The following ARHGAP35 variants were observed in gnomAD, a reference collection of about 807,000 sequenced individuals.
The protein encoded by ARHGAP35 is Rho GTPase activating protein 35.
In ARHGAP35, 15 loss-of-function variants were observed where a neutral mutation model predicts 111.1. The observed-to-expected ratio is 0.13, with a 90% CI of 0.09 to 0.21. The LOEUF (loss-of-function observed/expected upper bound fraction) is 0.21. Among genes scored for constraint, ARHGAP35 ranks in the 10% least tolerant of loss-of-function variants. The probability of loss-of-function intolerance (pLI) is 1.00; values close to 1 mark genes in which losing one functional copy is unlikely to be tolerated. For synonymous variants in ARHGAP35, 643 were observed against 710.3 expected, an observed-to-expected ratio of 0.91 and a Z score of 1.51; for missense variants, 1,262 against 1,873.0, an observed-to-expected ratio of 0.67 and a Z score of 6.02.
chr19:46,912,893 A>C (rs993589666), intron 1 of ARHGAP35, among the ~76,000 whole-genome samples: 1 of 151,892 alleles, frequency 6.6e-6, no homozygotes, highest in South Asian at 2.1e-4. Flanking sequence ...TTAGAAATGT[A>C]AGATATTGAG....
At chr19:46,925,772 A>T (rs920503572) in intron 2 of ARHGAP35, among the ~76,000 whole-genome samples, 1 of 152,166 alleles carries the variant, frequency 6.6e-6, no homozygotes, top group Admixed American at 6.5e-5. Flanking sequence ...CATGTGAGTC[A>T]CTTCTCCACA....
intron 1 of ARHGAP35, among the ~76,000 whole-genome samples, chr19:46,911,559 A>G (rs1287838551): frequency 3.3e-5 from 5 of 152,246 alleles, no homozygotes; most frequent in Non-Finnish European, 7.3e-5. Flanking sequence ...AACTAGATCT[A>G]TCAAATGGGG....
chr19:46,964,229 A>G (rs1191699440), intron 3 of ARHGAP35, among the ~76,000 whole-genome samples: 2 of 151,474 alleles, frequency 1.3e-5, no homozygotes, highest in Non-Finnish European at 1.5e-5. Context: ...TAAATTTGTA[A>G]TTTATTTTGT....
intron 3 of ARHGAP35, among the ~76,000 whole-genome samples, chr19:46,962,072 G>A (rs544011218): frequency 6.6e-6 from 1 of 152,318 alleles, no homozygotes; most frequent in African/African-American, 2.4e-5. Flanking sequence ...AAGGCTTCTG[G>A]AATGCTGGGA....
In ARHGAP35 at chr19:46,994,026, G is replaced by A. The variant is rs1471953494; in HGVS notation, c.4036+4351G>A. On this transcript the variant is annotated intron_variant, in intron 5 of 6. Coordinates refer to ENST00000672722, the MANE Select transcript of ARHGAP35 (RefSeq NM_004491.5). This position sits in a 1 kb window ranked among gnomAD's most constrained non-coding sequence, Gnocchi z 5.4. ...GAGGATCGGGCCCTCCACAGTCTGGGTCCTGAGGGGACTCTGAAGGGGGTG... is the reference window on the plus strand; with the variant it reads ...GAGGATCGGGCCCTCCACAGTCTGGATCCTGAGGGGACTCTGAAGGGGGTG... Among the ~76,000 whole-genome samples the A allele has an allele frequency of 6.6e-6, 1 of 152,218 alleles. No individual in the cohort carries two copies. Among genetic ancestry groups the A allele is most frequent in the Non-Finnish European group, 1.5e-5 (1 of 68,046 alleles).
intron 5 of ARHGAP35, among the ~76,000 whole-genome samples, chr19:46,995,598 CTTGGCCTCTGGAGTGGG>C (rs2122354662): frequency 6.6e-6 from 1 of 152,354 alleles, no homozygotes; most frequent in African/African-American, 2.4e-5. Context: ...GTGGCCTTCT[CTTGGCCTCTGGAGTGGG>C]TTTCTCAGCC....
At chr19:46,952,698 G>A (rs1438970043) in intron 3 of ARHGAP35, among the ~76,000 whole-genome samples, 2 of 152,326 alleles carry the variant, frequency 1.3e-5, no homozygotes, top group East Asian at 3.9e-4. Context: ...GTTTGAGACA[G>A]GGTCTCCCTC....
intron 1 of ARHGAP35, among the ~76,000 whole-genome samples, chr19:46,900,226 T>G (rs1185534151): frequency 6.7e-6 from 1 of 148,722 alleles, no homozygotes; most frequent in South Asian, 2.1e-4. Flanking sequence ...TTTTGGGTTT[T>G]TTTTTTTTTT....
intron 1 of ARHGAP35, among the ~76,000 whole-genome samples, chr19:46,884,298 A>G (rs1054974111): frequency 2.0e-5 from 3 of 151,940 alleles, no homozygotes; most frequent in Non-Finnish European, 2.9e-5. Context: ...GGCAACAAAA[A>G]CAACAACAAC....
intron 1 of ARHGAP35, among the ~76,000 whole-genome samples, chr19:46,880,002 C>G (rs1000139346): frequency 1.3e-5 from 2 of 151,552 alleles, no homozygotes; most frequent in African/African-American, 4.9e-5. Context: ...ATGAGAATTG[C>G]TTGAAACCTG....
At chr19:46,876,596 C>T (rs1371043646) in intron 1 of ARHGAP35, among the ~76,000 whole-genome samples, 1 of 152,034 alleles carries the variant, frequency 6.6e-6, no homozygotes, top group Non-Finnish European at 1.5e-5. Flanking sequence ...TGGTCTCGAA[C>T]TCCTGACCTC....
At chr19:46,872,824 T>A (rs1389141001) in intron 1 of ARHGAP35, among the ~76,000 whole-genome samples, 1 of 148,624 alleles carries the variant, frequency 6.7e-6, no homozygotes, top group East Asian at 2.0e-4. Context: ...GAGCTTGCAG[T>A]GAGCCGAGAT....
chr19:46,890,337 T>C (rs998029611), intron 1 of ARHGAP35, among the ~76,000 whole-genome samples: 4 of 152,230 alleles, frequency 2.6e-5, no homozygotes, highest in African/African-American at 9.6e-5. Context: ...AAAATGTCTT[T>C]CTATTTGAAA....
Position 46,920,385 on chromosome 19 carries a change from T to G in ARHGAP35, c.1710T>G (p.Ile570Met), listed in dbSNP as rs769153230. ...GCCCAGCTTGTGTGGACGCTAAGAT[T>G]GAGCACTTGATTAGTTCTCGGTTTA... ...PSCPACVDAK[I>M]EHLISSRFIR... The change falls in exon 2 of 7, where the codon ATT becomes ATG. Residue 570 changes from isoleucine (I) to methionine (M), a missense_variant. Physicochemically the swap from Ile to Met is conservative, Grantham distance 10. Coordinates refer to ENST00000672722, the MANE Select transcript of ARHGAP35 (RefSeq NM_004491.5). The surrounding 1 kb of genome is among the most constrained non-coding windows in gnomAD (Gnocchi z 7.0). 1.2e-6 allele frequency: 2 copies of G among 1,614,022 alleles called. No homozygotes were observed. The highest frequency in any genetic ancestry group is 1.7e-6 in the Non-Finnish European group (2 of 1,179,892).
intron 1 of ARHGAP35, among the ~76,000 whole-genome samples, chr19:46,899,888 T>G (rs1182771187): frequency 6.6e-6 from 1 of 152,174 alleles, no homozygotes; most frequent in East Asian, 1.9e-4. Context: ...GAATTGTTTC[T>G]GTCTTAAGAA....
rs1038076884 is a variant in ARHGAP35 at position 46,945,558 on chromosome 19, C to A, written c.3826+8150C>A. ...GTCTCAGGGCCAAATTTGAGTCAAG[C>A]CTTCCTAGGATTCAAGAAATCTGAC... On this transcript the variant is annotated intron_variant, in intron 3 of 6. Coordinates refer to ENST00000672722, the MANE Select transcript of ARHGAP35 (RefSeq NM_004491.5). The surrounding 1 kb of genome is among the most constrained non-coding windows in gnomAD (Gnocchi z 4.1). 2.0e-5 allele frequency among the ~76,000 whole-genome samples: 3 copies of A among 151,942 alleles called. No homozygotes were observed. Among genetic ancestry groups the A allele is most frequent in the Non-Finnish European group, 2.9e-5 (2 of 67,942 alleles).
chr19:46,894,469 A>T (rs1476766359), intron 1 of ARHGAP35, among the ~76,000 whole-genome samples: 1 of 125,846 alleles, frequency 7.9e-6, no homozygotes, highest in African/African-American at 3.1e-5. Context: ...TTTTTTGGAG[A>T]CGGAGTCGCT....
chr19:46,966,497 C>T, intron 3 of ARHGAP35, among the ~76,000 whole-genome samples: 1 of 152,154 alleles, frequency 6.6e-6, no homozygotes, highest in South Asian at 2.1e-4. Flanking sequence ...CATGGTGAGC[C>T]ATGGTTGCAC....
At chr19:46,897,536 A>G (rs1010610639) in intron 1 of ARHGAP35, among the ~76,000 whole-genome samples, 4 of 150,778 alleles carry the variant, frequency 2.7e-5, no homozygotes, top group Non-Finnish European at 5.9e-5. Flanking sequence ...AGACTTAGAG[A>G]TTTGTCTAAA....
Sources: allele counts gnomAD v4.1 joint callset (sites outside exome capture counted in the v4.1 genomes callset), GRCh38; gene constraint gnomAD v4.1.1; non-coding constraint Gnocchi (gnomAD v3.1); transcripts MANE v1.5; gene names NCBI Gene and HGNC (gene_info 2026-07-23, HGNC 2026-07-21).